Variants in HUNK observed in about 807,000 individuals in gnomAD.
HUNK encodes hormonally up-regulated neu tumor-associated kinase.
HUNK carries 21 observed loss-of-function variants against 61.0 expected under a neutral mutation model. The observed-to-expected ratio is 0.34, with a 90% CI of 0.24 to 0.50. The LOEUF is 0.50. Ranked by LOEUF, HUNK falls within the 20% of genes least tolerant of loss-of-function variation. HUNK has a pLI of 0.98. For missense variants in HUNK, 772 were observed against 945.7 expected, an observed-to-expected ratio of 0.82 and a Z score of 2.41; for synonymous variants, 371 against 386.1, an observed-to-expected ratio of 0.96 and a Z score of 0.46.
chr21:31,949,575 G>GCA (rs148673553), intron 4 of HUNK, among the ~76,000 whole-genome samples: 5,878 of 150,584 alleles, frequency 0.039, 335 homozygotes, highest in African/African-American at 0.13. Flanking sequence ...AAGAATTTGT[G>GCA]CACACACACA....
Position 31,946,074 on chromosome 21 carries a change from T to C in HUNK, c.649T>C (p.Ser217Pro). 6.2e-7 allele frequency: 1 copy of C among 1,612,304 alleles called. No individual in the cohort carries two copies. Among genetic ancestry groups the C allele is most frequent in the Non-Finnish European group, 8.5e-7 (1 of 1,178,470 alleles). The change falls in exon 4 of 11, where the codon TCG (serine) becomes CCG (proline). Residue 217 changes from serine to proline, a missense_variant. Transcript: ENST00000270112. ...CAACTGCGCAGGGATCCTGGGTTAC[T>C]CGGATCCGTTCAGCACACAGTGTGG... is the stretch of plus-strand genomic sequence containing the variant. ...LSNCAGILGY[S>P]DPFSTQCGSP...
Position 31,873,996 on chromosome 21 carries a change from C to T in HUNK, c.261+61C>T. On this transcript the variant is annotated intron_variant, in intron 1 of 10. Coordinates refer to ENST00000270112, the MANE Select transcript of HUNK (RefSeq NM_014586.2). This position sits in a 1 kb window ranked among gnomAD's most constrained non-coding sequence, Gnocchi z 6.1. ...GGGCGGGAGTCGGCGGCCAGGACCC[C>T]GCGGGGAGCACTGCACTGGGAGTCC... is the stretch of plus-strand genomic sequence containing the variant. The T allele has an allele frequency of 1.5e-6, 2 of 1,310,254 alleles. No homozygotes were observed. The highest frequency in any genetic ancestry group is 2.0e-6 in the Non-Finnish European group (2 of 1,001,402). The allele number at this position is 1,310,254 out of a possible 1,614,324, so 81.2% of individuals were successfully genotyped here.
At chr21:31,905,032 T>G (rs2052495377) in intron 1 of HUNK, among the ~76,000 whole-genome samples, 1 of 151,358 alleles carries the variant, frequency 6.6e-6, no homozygotes, top group Admixed American at 6.6e-5. Flanking sequence ...GAGCCAAGAT[T>G]GCACCACTGC....
intron 4 of HUNK, among the ~76,000 whole-genome samples, chr21:31,958,585 A>T (rs1428153930): frequency 6.6e-6 from 1 of 152,128 alleles, no homozygotes; most frequent in Admixed American, 6.5e-5. Context: ...TGGAGGTGCT[A>T]CACAGGCTGG....
At chr21:31,931,717 C>T (rs927836564) in intron 2 of HUNK, among the ~76,000 whole-genome samples, 1 of 152,180 alleles carries the variant, frequency 6.6e-6, no homozygotes, top group Non-Finnish European at 1.5e-5. Context: ...CCCCTTCCCT[C>T]CTCTCCTGAT....
chr21:31,968,491 G>GCT, intron 6 of HUNK, 106 bp downstream of exon 6: 1 of 1,353,654 alleles, frequency 7.4e-7, no homozygotes, highest in African/African-American at 1.4e-5. Context: ...GAAAAGCCGC[G>GCT]CTCTCTCTTG....
chr21:31,933,973 C>G (rs1568928811), intron 2 of HUNK, among the ~76,000 whole-genome samples: 1 of 152,054 alleles, frequency 6.6e-6, no homozygotes, highest in Non-Finnish European at 1.5e-5. Flanking sequence ...ATGTGCCGAC[C>G]AGCCTGCCCT....
chr21:31,974,864 C>T lies in HUNK; in HGVS notation c.1173+147C>T, dbSNP rs142782450. ...GAGTTTTCTGAATGTGGGATAAAGT[C>T]GTAGCTAAACCTGCTTCTCAGGGAG... On this transcript the variant is annotated intron_variant, in intron 7 of 10. Coordinates refer to ENST00000270112, the MANE Select transcript of HUNK (RefSeq NM_014586.2). 660 of 732,352 alleles carry T rather than the reference C, an allele frequency of 9.0e-4. 1 individual carries two copies. The highest frequency in any genetic ancestry group is 1.2e-3 in the Non-Finnish European group (556 of 477,950). The allele number at this position is 732,352 out of a possible 1,614,324, so 45.4% of individuals were successfully genotyped here.
At chr21:31,909,248 A>G (rs1328382720) in intron 1 of HUNK, among the ~76,000 whole-genome samples, 7 of 152,214 alleles carry the variant, frequency 4.6e-5, no homozygotes, top group Non-Finnish European at 1.5e-5. Flanking sequence ...CTACCTTGCT[A>G]TCTCAATATT....
intron 7 of HUNK, among the ~76,000 whole-genome samples, chr21:31,977,041 G>A (rs1332240676): frequency 6.6e-6 from 1 of 152,062 alleles, no homozygotes; most frequent in Admixed American, 6.6e-5. Context: ...AAAGTGCTAG[G>A]AATACAGCTG....
intron 4 of HUNK, among the ~76,000 whole-genome samples, chr21:31,950,238 T>G (rs1379121982): frequency 6.6e-6 from 1 of 152,062 alleles, no homozygotes; most frequent in Non-Finnish European, 1.5e-5. Context: ...AGGAGATGAC[T>G]TCAAAGCCAG....
intron 4 of HUNK, among the ~76,000 whole-genome samples, chr21:31,952,280 G>T (rs2052855667): frequency 6.6e-6 from 1 of 151,916 alleles, no homozygotes; most frequent in African/African-American, 2.4e-5. Context: ...ACTGAAAGAT[G>T]GAAAGATATT....
chr21:31,976,348 C>G (rs1351911230), intron 7 of HUNK, among the ~76,000 whole-genome samples: 4 of 151,600 alleles, frequency 2.6e-5, no homozygotes, highest in Non-Finnish European at 4.4e-5. Context: ...TTCAGAAAAT[C>G]TCTTGTATCA....
chr21:31,897,538 G>T (rs997235896), intron 1 of HUNK, among the ~76,000 whole-genome samples: 2 of 152,010 alleles, frequency 1.3e-5, no homozygotes, highest in African/African-American at 4.8e-5. Flanking sequence ...GTTGGATTAG[G>T]GCCCACCATA....
intron 1 of HUNK, among the ~76,000 whole-genome samples, chr21:31,902,237 G>A (rs540666117): frequency 2.4e-4 from 36 of 152,288 alleles, no homozygotes; most frequent in African/African-American, 6.0e-4. Context: ...ACGGCCGGGC[G>A]CGGTGGCTCA....
intron 2 of HUNK, among the ~76,000 whole-genome samples, chr21:31,932,236 C>T (rs2052703434): frequency 6.6e-6 from 1 of 152,226 alleles, no homozygotes; most frequent in South Asian, 2.1e-4. Context: ...CTCCTGTCTG[C>T]CTCTTTGCTC....
At chr21:31,905,903 G>A (rs2052501802) in intron 1 of HUNK, among the ~76,000 whole-genome samples, 1 of 152,198 alleles carries the variant, frequency 6.6e-6, no homozygotes, top group Non-Finnish European at 1.5e-5. Flanking sequence ...GACCTCCTGT[G>A]AATGGGTCAC....
rs546333279 is a variant in HUNK, at chr21:31,926,142, T to TAGGA, written c.554+1382_554+1383insAGGA. ...CATGTTGGTCAGGCTGGTCTTGAACTCCTGACCTCAGGTGATCCGCCCTCC... is the reference window on the plus strand; with the variant it reads ...CATGTTGGTCAGGCTGGTCTTGAACTAGGACCTGACCTCAGGTGATCCGCCCTCC... On this transcript the variant is annotated intron_variant, in intron 2 of 10. Coordinates refer to ENST00000270112, the MANE Select transcript of HUNK (RefSeq NM_014586.2). 4.3e-3 allele frequency among the ~76,000 whole-genome samples: 648 copies of TAGGA among 152,324 alleles called. 9 individuals are homozygous for TAGGA. The highest frequency in any genetic ancestry group is 0.015 in the African/African-American group (623 of 41,572).
Position 31,933,387 on chromosome 21 carries a change from C to T in HUNK, c.555-6778C>T, listed in dbSNP as rs186018515. ...ACACTGGGCCAGGTACAGTGGTTCA[C>T]GCTTATAATCCCAGCACTTTGGGAA... On this transcript the variant is annotated intron_variant, in intron 2 of 10. Coordinates refer to ENST00000270112, the MANE Select transcript of HUNK (RefSeq NM_014586.2). 4.6e-5 allele frequency among the ~76,000 whole-genome samples: 7 copies of T among 152,248 alleles called. No individual in the cohort carries two copies. In the East Asian group the frequency reaches 1.2e-3, roughly 25 times the overall value.
Sources: gnomAD v4.1 joint callset for allele counts (sites outside exome capture counted in the v4.1 genomes callset) on GRCh38, gnomAD v4.1.1 for gene constraint, Gnocchi (gnomAD v3.1) non-coding constraint, MANE v1.5 for transcripts, NCBI Gene and HGNC (gene_info 2026-07-23, HGNC 2026-07-21) for gene names.